SNX29: variants seen among roughly 807,000 people sequenced by gnomAD.
SNX29 encodes the protein sorting nexin 29.
Under a neutral mutation model 102.1 loss-of-function variants are expected in SNX29, and 78 were observed. That is an observed-to-expected ratio of 0.76 (90% confidence interval 0.64 to 0.92). The LOEUF (loss-of-function observed/expected upper bound fraction) is 0.92, where lower values mean the gene tolerates loss of function less well. Ranked by LOEUF, SNX29 falls within the 40% of genes least tolerant of loss-of-function variation. The probability of loss-of-function intolerance (pLI) is 0.00; values close to 1 mark genes in which losing one functional copy is unlikely to be tolerated. For missense variants in SNX29, 1,280 were observed against 1,061.7 expected, an observed-to-expected ratio of 1.21 and a Z score of -2.86; for synonymous variants, 580 against 414.5, an observed-to-expected ratio of 1.40 and a Z score of -4.85.
chr16:12,530,055 AG>A (rs1177470483), intron 20 of SNX29, among the ~76,000 whole-genome samples: 4 of 152,230 alleles, frequency 2.6e-5, no homozygotes, highest in African/African-American at 9.6e-5. Context: ...AGTGTGTCCC[AG>A]TTCGGCACCG....
intron 3 of SNX29, among the ~76,000 whole-genome samples, chr16:12,006,769 C>T (rs1262412349): frequency 6.6e-6 from 1 of 152,046 alleles, no homozygotes; most frequent in Non-Finnish European, 1.5e-5. Flanking sequence ...CAGATGCAAG[C>T]CACCATACCT....
chr16:12,313,555 C>G (rs1395455949), intron 15 of SNX29, among the ~76,000 whole-genome samples: 1 of 152,234 alleles, frequency 6.6e-6, no homozygotes, highest in Non-Finnish European at 1.5e-5. Context: ...CAGCCTCCGT[C>G]AGCCCTCTTG....
intron 17 of SNX29, 94 bp downstream of exon 17, chr16:12,398,595 C>G: frequency 7.2e-7 from 1 of 1,397,550 alleles, no homozygotes; most frequent in Non-Finnish European, 1.0e-6. Flanking sequence ...AAACAGAAAT[C>G]ACTGTTGAGA....
chr16:12,385,767 G>C (rs1175732829), intron 16 of SNX29, among the ~76,000 whole-genome samples: 1 of 152,216 alleles, frequency 6.6e-6, no homozygotes, highest in African/African-American at 2.4e-5. Flanking sequence ...GATGCCACTT[G>C]GCTTCCTTTT....
At chr16:12,308,993 G>C (rs1427102905) in intron 15 of SNX29, among the ~76,000 whole-genome samples, 4 of 152,214 alleles carry the variant, frequency 2.6e-5, no homozygotes, top group African/African-American at 4.8e-5. Context: ...TTATGGCAGA[G>C]ACTGTTACAA....
intron 11 of SNX29, among the ~76,000 whole-genome samples, chr16:12,118,715 C>T (rs1204250819): frequency 6.6e-6 from 1 of 152,142 alleles, no homozygotes; most frequent in African/African-American, 2.4e-5. Flanking sequence ...GTTACTGCTC[C>T]TAATAAATTC....
At chr16:12,317,840 C>T (rs111469271) in intron 15 of SNX29, among the ~76,000 whole-genome samples, 1 of 152,190 alleles carries the variant, frequency 6.6e-6, no homozygotes, top group Non-Finnish European at 1.5e-5. Context: ...CTAATGACTC[C>T]CCGTGCCGGG....
At chr16:12,495,985 T>C (rs2088802068) in intron 19 of SNX29, among the ~76,000 whole-genome samples, 2 of 151,484 alleles carry the variant, frequency 1.3e-5, no homozygotes, top group Admixed American at 6.6e-5. Context: ...GAGGTGAAGG[T>C]TTTAGTGAGC....
chr16:12,292,597 G>C (rs1300804040), intron 15 of SNX29, among the ~76,000 whole-genome samples: 1 of 152,236 alleles, frequency 6.6e-6, no homozygotes, highest in East Asian at 1.9e-4. Flanking sequence ...CTAGTTGATT[G>C]TAAGGGGCAC....
chr16:12,547,147 A>G (rs1239381264), intron 20 of SNX29, among the ~76,000 whole-genome samples: 1 of 152,230 alleles, frequency 6.6e-6, no homozygotes, highest in Non-Finnish European at 1.5e-5. Context: ...GAGGGAAAGA[A>G]GCCTGCTGGG....
At position 12,074,116 on chromosome 16, in the gene SNX29, T is replaced by C. The variant is rs568447667; in HGVS notation, c.1320-4717T>C. 2.0e-5 allele frequency among the ~76,000 whole-genome samples: 3 copies of C among 151,380 alleles called. No homozygotes were observed. In the East Asian group the frequency reaches 5.8e-4, roughly 29 times the overall value. ...ACAGCACACTGATGGGTCTTGACTC[T>C]TTATCCAATTTGCCAGTCTGTGTCT... On this transcript the variant is annotated intron_variant, in intron 10 of 20. Coordinates refer to ENST00000566228, the MANE Select transcript of SNX29 (RefSeq NM_032167.5).
At chr16:12,436,212 G>A (rs1387071649) in intron 18 of SNX29, among the ~76,000 whole-genome samples, 1 of 151,532 alleles carries the variant, frequency 6.6e-6, no homozygotes, top group East Asian at 2.1e-4. Flanking sequence ...GAACAGTATT[G>A]GCACAGGTGA....
At chr16:12,386,419 G>T (rs888809451) in intron 16 of SNX29, among the ~76,000 whole-genome samples, 1 of 152,202 alleles carries the variant, frequency 6.6e-6, no homozygotes, top group African/African-American at 2.4e-5. Flanking sequence ...GGGCAGAGAG[G>T]TGGAGCCACT....
At chr16:12,556,591 G>T (rs1261014148) in intron 20 of SNX29, 1 of 152,306 alleles carries the variant, frequency 6.6e-6, no homozygotes, top group African/African-American at 2.4e-5. Flanking sequence ...GCTATGGAAG[G>T]GTTTGGGGTC....
chr16:12,524,946 C>G, intron 20 of SNX29, 105 bp downstream of exon 20: 2 of 1,484,802 alleles, frequency 1.3e-6, no homozygotes, highest in Non-Finnish European at 9.1e-7. Flanking sequence ...ATGCCCTGAT[C>G]GCCATGGGAC....
At position 12,477,923 on chromosome 16, in the gene SNX29, C is replaced by A. The variant is rs540831455; in HGVS notation, c.2178+64C>A. The stretch of plus-strand genomic sequence containing the variant: ...GCGTTAAAATGGATTATTTATTCTT[C>A]TTCTTTAGTCCGTTGCTTAAAAACA... On this transcript the variant is annotated intron_variant, in intron 19 of 20. Transcript: ENST00000566228. The A allele has an allele frequency of 4.0e-6, 6 of 1,497,226 alleles. No individual in the cohort carries two copies. The South Asian group carries it at 6.9e-5, about 17-fold the overall frequency. 92.7% of individuals were successfully genotyped at this position (1,497,226 alleles called of 1,614,324 possible). A position where few individuals can be genotyped will look rare whatever the true frequency, so the allele number is the denominator to read the frequency against.
intron 13 of SNX29, among the ~76,000 whole-genome samples, chr16:12,192,428 T>C (rs535504593): frequency 6.6e-6 from 1 of 152,234 alleles, no homozygotes. Context: ...GCCTCCTATC[T>C]TCCGGCTTCT....
chr16:12,427,742 C>T (rs2085140125), intron 18 of SNX29, among the ~76,000 whole-genome samples: 1 of 152,208 alleles, frequency 6.6e-6, no homozygotes, highest in South Asian at 2.1e-4. Context: ...TCTTGCTGAC[C>T]TTGAACATCA....
chr16:12,019,778 A>C (rs1194334519), intron 3 of SNX29, among the ~76,000 whole-genome samples: 3 of 151,846 alleles, frequency 2.0e-5, no homozygotes, highest in East Asian at 3.9e-4. Flanking sequence ...CTGGGATTAC[A>C]GGCACGTACC....
Sources: gnomAD v4.1 joint callset for allele counts (sites outside exome capture counted in the v4.1 genomes callset) on GRCh38, gnomAD v4.1.1 for gene constraint, MANE v1.5 for transcripts, NCBI Gene and HGNC (gene_info 2026-07-23, HGNC 2026-07-21) for gene names.